RNF11: variants seen among roughly 807,000 people sequenced by gnomAD.
RNF11 encodes ring finger protein 11.
Under a neutral mutation model 15.8 loss-of-function variants are expected in RNF11, and 4 were observed. The observed-to-expected ratio is 0.25, with a 90% confidence interval of 0.12 to 0.58. The LOEUF (loss-of-function observed/expected upper bound fraction) is 0.58. Among genes scored for constraint, RNF11 ranks in the 20% least tolerant of loss-of-function variants. RNF11 has a pLI of 0.91. For synonymous variants in RNF11, 68 were observed against 72.3 expected (o/e 0.94, Z 0.30); for missense variants, 139 against 194.4 (o/e 0.71, Z 1.70).
intron 1 of RNF11, among the ~76,000 whole-genome samples, chr1:51,245,864 C>G (rs1194100537): frequency 6.6e-6 from 1 of 152,148 alleles, no homozygotes; most frequent in Non-Finnish European, 1.5e-5. Flanking sequence ...CGACTTGAGG[C>G]AAGAAAAGAA....
At chr1:51,241,326 T>G (rs960523838) in intron 1 of RNF11, among the ~76,000 whole-genome samples, 2 of 152,188 alleles carry the variant, frequency 1.3e-5, no homozygotes, top group Non-Finnish European at 2.9e-5. Flanking sequence ...GGGCAGTAGC[T>G]ATTCACAGGT....
intron 1 of RNF11, among the ~76,000 whole-genome samples, chr1:51,262,989 G>A (rs1210946993): frequency 6.6e-6 from 1 of 152,120 alleles, no homozygotes; most frequent in African/African-American, 2.4e-5. Flanking sequence ...AAGCAATGCT[G>A]TAGAGAAACT....
intron 1 of RNF11, among the ~76,000 whole-genome samples, chr1:51,254,614 C>T (rs1208013892): frequency 6.6e-6 from 1 of 152,152 alleles, no homozygotes; most frequent in African/African-American, 2.4e-5. Context: ...AGGCGTGTGC[C>T]ACCACTCCCT....
chr1:51,258,956 T>C (rs553071146), intron 1 of RNF11, among the ~76,000 whole-genome samples: 69 of 152,346 alleles, frequency 4.5e-4, no homozygotes, highest in Non-Finnish European at 6.0e-4. Context: ...CCCATTTTCA[T>C]GTGACAACTG....
Position 51,263,451 on chromosome 1 carries a change from T to TTG in RNF11, c.124-6489_124-6488dup, listed in dbSNP as rs111790951. Among the ~76,000 whole-genome samples, 525 of 151,608 alleles carry TTG rather than the reference T, an allele frequency of 3.5e-3. 1 individual carries two copies. Among genetic ancestry groups the TTG allele is most frequent in the Middle Eastern group, 0.017 (5 of 292 alleles). ...CCTTGTTTTATTGCACTTCACAGGG[T>TTG]TGTGTGTGTGTGTGTGTTTACACAA... On this transcript the variant is annotated intron_variant, in intron 1 of 2. Transcript: ENST00000242719.
At chr1:51,243,719 G>A (rs753222024) in intron 1 of RNF11, among the ~76,000 whole-genome samples, 1 of 152,216 alleles carries the variant, frequency 6.6e-6, no homozygotes, top group Non-Finnish European at 1.5e-5. Context: ...GATTACAGGC[G>A]TGAGCCACCA....
chr1:51,264,289 T>A (rs937145779), intron 1 of RNF11, among the ~76,000 whole-genome samples: 1,222 of 44,726 alleles, frequency 0.027, 11 homozygotes, highest in Non-Finnish European at 0.031. Context: ...AAAAAAAAAA[T>A]ATATATATAT....
intron 1 of RNF11, among the ~76,000 whole-genome samples, chr1:51,248,943 A>T (rs1016545338): frequency 1.3e-5 from 2 of 152,234 alleles, no homozygotes; most frequent in African/African-American, 2.4e-5. Context: ...AAATTAAAAA[A>T]ATATATAGTG....
rs1156649480 is a variant in RNF11 at position 51,273,309 on chromosome 1, TTGG to T, written c.*1992_*1994del. ...TTCATTACAAGTCTTTCACAGAAGT[TTGG>T]TGGTAATATTGAAAGAACTAGCATT... On this transcript the variant is annotated 3_prime_UTR_variant, in exon 3 of 3. Coordinates refer to ENST00000242719, the MANE Select transcript of RNF11 (RefSeq NM_014372.5). 6.6e-6 allele frequency: 1 copy of T among 152,286 alleles called. No homozygotes were observed. Among genetic ancestry groups the T allele is most frequent in the East Asian group, 1.9e-4 (1 of 5,190 alleles). 9.4% of individuals were successfully genotyped at this position (152,286 alleles called of 1,614,324 possible). A position where few individuals can be genotyped will look rare whatever the true frequency, so the allele number is the denominator to read the frequency against.
chr1:51,261,119 T>C (rs1400374399), intron 1 of RNF11, among the ~76,000 whole-genome samples: 3 of 152,188 alleles, frequency 2.0e-5, no homozygotes, highest in Admixed American at 2.0e-4. Flanking sequence ...TTCTCAAAAA[T>C]GTTTCTCCCT....
intron 1 of RNF11, among the ~76,000 whole-genome samples, chr1:51,261,236 G>A (rs1264110104): frequency 6.6e-6 from 1 of 152,134 alleles, no homozygotes; most frequent in African/African-American, 2.4e-5. Flanking sequence ...TAAGGTCAGG[G>A]ATAGAACTGC....
intron 1 of RNF11, among the ~76,000 whole-genome samples, chr1:51,245,779 A>G (rs769965279): frequency 6.6e-6 from 1 of 152,198 alleles, no homozygotes; most frequent in Non-Finnish European, 1.5e-5. Flanking sequence ...AACCCATATG[A>G]GTACAGGACA....
intron 2 of RNF11, 63 bp downstream of exon 2, chr1:51,270,188 C>G: frequency 7.8e-7 from 1 of 1,284,238 alleles, no homozygotes; most frequent in South Asian, 1.4e-5. Flanking sequence ...GAAAAATTTG[C>G]CTTTTCTCCT....
chr1:51,248,096 CTTTTTTT>C (rs1157196813), intron 1 of RNF11, among the ~76,000 whole-genome samples: 1 of 91,704 alleles, frequency 1.1e-5, no homozygotes, highest in Non-Finnish European at 2.3e-5. Context: ...CTAGTTTCTT[CTTTTTTT>C]TTTTTTTTTT....
intron 1 of RNF11, among the ~76,000 whole-genome samples, chr1:51,263,958 G>C (rs897191641): frequency 2.0e-5 from 3 of 152,016 alleles, no homozygotes; most frequent in Non-Finnish European, 4.4e-5. Flanking sequence ...TCAGTGCTGA[G>C]ATGTGCTTTT....
intron 1 of RNF11, among the ~76,000 whole-genome samples, chr1:51,258,312 C>T (rs1194627127): frequency 6.6e-6 from 1 of 152,150 alleles, no homozygotes; most frequent in African/African-American, 2.4e-5. Flanking sequence ...AGATCCTCTT[C>T]ATTTTAAAGA....
intron 2 of RNF11, among the ~76,000 whole-genome samples, chr1:51,270,486 G>A (rs1165987782): frequency 2.0e-5 from 3 of 152,118 alleles, no homozygotes; most frequent in African/African-American, 7.2e-5. Flanking sequence ...GGTGGCACGC[G>A]CCTGTAATCC....
intron 1 of RNF11, chr1:51,265,081 C>T (rs902383199): frequency 6.6e-6 from 1 of 152,308 alleles, no homozygotes; most frequent in African/African-American, 2.4e-5. Context: ...AATCCCAACA[C>T]TTTGGGAGGC....
chr1:51,259,124 G>A (rs937663220), intron 1 of RNF11, among the ~76,000 whole-genome samples: 3 of 152,178 alleles, frequency 2.0e-5, no homozygotes, highest in South Asian at 2.1e-4. Flanking sequence ...TCCAGGAAAC[G>A]TTTAGCAAAG....
Sources: gnomAD v4.1 joint callset for allele counts (sites outside exome capture counted in the v4.1 genomes callset) on GRCh38, gnomAD v4.1.1 for gene constraint, MANE v1.5 for transcripts, NCBI Gene and HGNC (gene_info 2026-07-23, HGNC 2026-07-21) for gene names.